MID2: variants seen among roughly 807,000 people sequenced by gnomAD.
MID2 encodes the protein midline 2, also known as probable E3 ubiquitin-protein ligase MID2.
In MID2, 13 loss-of-function variants were observed where a neutral mutation model predicts 46.1. The ratio of observed to expected loss-of-function variants is 0.28; its 90% CI spans 0.18 to 0.45. The LOEUF is 0.45. MID2 is among the 20% of genes least tolerant of loss of function. The pLI, the probability that MID2 is intolerant of heterozygous loss-of-function variation, is 1.00. For synonymous variants in MID2, 199 were observed against 212.3 expected, an observed-to-expected ratio of 0.94 and a Z score of 0.55; for missense variants, 431 against 575.4, an observed-to-expected ratio of 0.75 and a Z score of 2.57.
chrX:107,894,436 A>C (rs1932672405), intron 3 of MID2, among the ~76,000 whole-genome samples: 1 of 112,005 alleles, frequency 8.9e-6, no homozygotes. Flanking sequence ...GGTCTCCTAG[A>C]GGTGTTGTTA....
chrX:107,910,318 G>T (rs1288940970), intron 5 of MID2, among the ~76,000 whole-genome samples: 1 of 111,953 alleles, frequency 8.9e-6, no homozygotes, highest in Non-Finnish European at 1.9e-5. Context: ...TGCTGTCAAG[G>T]ATAACAGGAT....
intron 3 of MID2, among the ~76,000 whole-genome samples, chrX:107,900,208 C>A (rs940343025): frequency 1.8e-5 from 2 of 111,313 alleles, no homozygotes; most frequent in Non-Finnish European, 1.9e-5. Flanking sequence ...CCCTAGCTCC[C>A]TCATTTCACC....
chrX:107,904,990 G>C (rs1057432976), intron 4 of MID2, among the ~76,000 whole-genome samples: 9 of 111,832 alleles, frequency 8.0e-5, no homozygotes, highest in Admixed American at 5.7e-4. Flanking sequence ...TATGCATAAA[G>C]ACACTTAGAG....
Position 107,845,047 on chromosome X carries a change from T to C in MID2, c.720+3662T>C, listed in dbSNP as rs978177188. ...TTGCTTTGGATCTCATCTAAGAAGA[T>C]ATAAATCTGTCTTGCCATTATATAT... On this transcript the variant is annotated intron_variant, in intron 2 of 9. Transcript: ENST00000262843. Among the ~76,000 whole-genome samples, 18 of 111,855 alleles carry C rather than the reference T, an allele frequency of 1.6e-4. No individual in the cohort carries two copies. In the Admixed American group the frequency reaches 1.7e-3, roughly 11 times the overall value.
At chrX:107,876,713 G>A (rs1484197057) in intron 3 of MID2, among the ~76,000 whole-genome samples, 1 of 112,077 alleles carries the variant, frequency 8.9e-6, no homozygotes, top group Non-Finnish European at 1.9e-5. Context: ...GCTTCTCAGT[G>A]TTAGGGTTTG....
intron 3 of MID2, among the ~76,000 whole-genome samples, chrX:107,888,403 A>C (rs1380574045): frequency 8.9e-6 from 1 of 112,247 alleles, no homozygotes; most frequent in Non-Finnish European, 1.9e-5. Flanking sequence ...ATTCAGGAGC[A>C]GGTTGTTCAG....
chrX:107,849,598 G>A (rs1931565668), intron 2 of MID2, among the ~76,000 whole-genome samples: 1 of 111,807 alleles, frequency 8.9e-6, no homozygotes, highest in Non-Finnish European at 1.9e-5. Context: ...TTCCTCTTTG[G>A]GAAGGGAATA....
intron 5 of MID2, among the ~76,000 whole-genome samples, chrX:107,915,764 G>T (rs763919280): frequency 9.0e-6 from 1 of 111,681 alleles, no homozygotes; most frequent in Admixed American, 9.5e-5. Flanking sequence ...ATTAAGACCG[G>T]ATGGGGGAGT....
At position 107,905,506 on chromosome X, in the gene MID2, A is replaced by T; in HGVS notation, c.953A>T (p.Gln318Leu). ...ATGAAACTGAGAAAGTTGGCACAGC[A>T]GGTTGCTAATTGCCGCCAGTGTCTT... ...KVMKLRKLAQ[Q>L]VANCRQCLER... is the part of the protein sequence containing the mutation. Residue 318 changes from glutamine (Q) to leucine (L), a missense_variant, in exon 5 of 10, where the codon CAG becomes CTG. Gln to Leu is a moderately radical substitution (Grantham distance 113). Transcript: ENST00000262843. The T allele has an allele frequency of 8.3e-7, 1 of 1,207,412 alleles. No homozygotes were observed. The highest frequency in any genetic ancestry group is 1.1e-6 in the Non-Finnish European group (1 of 892,861).
chrX:107,880,953 T>C (rs1932305554), intron 3 of MID2, among the ~76,000 whole-genome samples: 1 of 113,173 alleles, frequency 8.8e-6, no homozygotes, highest in Non-Finnish European at 1.9e-5. Flanking sequence ...CAAAATTGTA[T>C]CTTTTTTCTA....
At chrX:107,828,315 T>C (rs751536576) in intron 1 of MID2, among the ~76,000 whole-genome samples, 69 of 100,885 alleles carry the variant, frequency 6.8e-4, no homozygotes, top group African/African-American at 1.4e-3. Context: ...CTTTTCTTTT[T>C]TTTTTTTTTT....
intron 3 of MID2, among the ~76,000 whole-genome samples, chrX:107,861,769 A>T (rs1931860227): frequency 8.9e-6 from 1 of 112,604 alleles, no homozygotes; most frequent in Non-Finnish European, 1.9e-5. Flanking sequence ...TTATTCTGCT[A>T]CTGGTGAGTT....
At chrX:107,878,435 A>G (rs1286574964) in intron 3 of MID2, among the ~76,000 whole-genome samples, 1 of 112,424 alleles carries the variant, frequency 8.9e-6, no homozygotes, top group African/African-American at 3.2e-5. Context: ...TGAATTGCAT[A>G]TCTGATTGCT....
At chrX:107,856,922 A>G (rs2077071971) in intron 3 of MID2, among the ~76,000 whole-genome samples, 1 of 112,096 alleles carries the variant, frequency 8.9e-6, no homozygotes, top group Non-Finnish European at 1.9e-5. Flanking sequence ...CTGGATACAC[A>G]AAAGGTCTGC....
intron 3 of MID2, among the ~76,000 whole-genome samples, chrX:107,881,693 A>T (rs1166576500): frequency 8.9e-6 from 1 of 112,413 alleles, no homozygotes; most frequent in African/African-American, 3.2e-5. Context: ...AGCACTCATT[A>T]ATTATTCATT....
At chrX:107,893,948 A>G (rs888084777) in intron 3 of MID2, among the ~76,000 whole-genome samples, 16 of 112,605 alleles carry the variant, frequency 1.4e-4, no homozygotes, top group African/African-American at 4.8e-4. Context: ...TGGACGTCGC[A>G]CCTGTCTTCA....
intron 1 of MID2, among the ~76,000 whole-genome samples, chrX:107,835,642 G>A (rs954623903): frequency 1.1e-5 from 1 of 93,411 alleles, no homozygotes; most frequent in Non-Finnish European, 1.9e-5. Flanking sequence ...TGTGATTATT[G>A]GCCATTTGTA....
At chrX:107,915,767 G>A (rs904907861) in intron 5 of MID2, among the ~76,000 whole-genome samples, 1 of 111,539 alleles carries the variant, frequency 9.0e-6, no homozygotes, top group Non-Finnish European at 1.9e-5. Flanking sequence ...AAGACCGGAT[G>A]GGGGAGTGTG....
At chrX:107,905,344 A>G in intron 4 of MID2, 134 bp from the exon 5 acceptor site, 1 of 522,030 alleles carries the variant, frequency 1.9e-6, no homozygotes, top group South Asian at 3.6e-5. Flanking sequence ...AGTGGTTAGT[A>G]CAGGGACCAT....
Sources: gnomAD v4.1 joint callset for allele counts (sites outside exome capture counted in the v4.1 genomes callset) on GRCh38, gnomAD v4.1.1 for gene constraint, MANE v1.5 for transcripts, NCBI Gene and HGNC (gene_info 2026-07-23, HGNC 2026-07-21) for gene names.